GPR158: variants seen among roughly 807,000 people sequenced by gnomAD.
The protein encoded by GPR158 is G protein-coupled receptor 158.
A neutral mutation model predicts 78.2 loss-of-function variants in GPR158; 30 were observed. The observed-to-expected ratio is 0.38, with a 90% CI of 0.29 to 0.52. The LOEUF (loss-of-function observed/expected upper bound fraction) is 0.52. GPR158 is among the 20% of genes least tolerant of loss of function. The pLI is 0.83. For synonymous variants in GPR158, 581 were observed against 591.1 expected (o/e 0.98, Z 0.25); for missense variants, 1,463 against 1,523.5 (o/e 0.96, Z 0.66).
intron 1 of GPR158, among the ~76,000 whole-genome samples, chr10:25,179,839 T>C (rs1478591102): frequency 6.6e-6 from 1 of 152,202 alleles, no homozygotes; most frequent in Non-Finnish European, 1.5e-5. Flanking sequence ...AGATATACCC[T>C]GAAAATATTT....
At chr10:25,516,210 T>C (rs1836170634) in intron 5 of GPR158, among the ~76,000 whole-genome samples, 1 of 151,632 alleles carries the variant, frequency 6.6e-6, no homozygotes, top group Non-Finnish European at 1.5e-5. Flanking sequence ...CACTTTTTGA[T>C]GGGGTTGTTT....
In GPR158 at chr10:25,239,925, A is replaced by G. The variant is rs1434031469; in HGVS notation, c.1008+18768A>G. ...CTATTGAATACCAACTCTAAGTAGC[A>G]TACTGTACCAGGAACTGTGGAGATT... On this transcript the variant is annotated intron_variant, in intron 2 of 10. Coordinates refer to ENST00000376351, the MANE Select transcript of GPR158 (RefSeq NM_020752.3). Among the ~76,000 whole-genome samples the G allele has an allele frequency of 2.0e-5, 3 of 152,342 alleles. No homozygotes were observed. The South Asian group carries it at 6.2e-4, about 32-fold the overall frequency.
chr10:25,525,321 A>G (rs2184519), intron 5 of GPR158, among the ~76,000 whole-genome samples: 85,602 of 151,624 alleles, frequency 0.56, 24,634 homozygotes, highest in African/African-American at 0.7. Context: ...AAAAACACTT[A>G]CACATGAATC....
intron 5 of GPR158, among the ~76,000 whole-genome samples, chr10:25,513,929 G>A (rs1047906552): frequency 1.3e-5 from 2 of 152,038 alleles, no homozygotes; most frequent in African/African-American, 4.8e-5. Context: ...GACTTGTCTT[G>A]TGTCCTATCA....
intron 2 of GPR158, among the ~76,000 whole-genome samples, chr10:25,360,679 G>A (rs1415955854): frequency 1.3e-5 from 2 of 152,096 alleles, no homozygotes; most frequent in African/African-American, 4.8e-5. Context: ...AGTATTGTTT[G>A]AAGTCAGGTA....
At chr10:25,206,856 T>C (rs1853046058) in intron 1 of GPR158, among the ~76,000 whole-genome samples, 1 of 111,278 alleles carries the variant, frequency 9.0e-6, no homozygotes, top group Non-Finnish European at 2.0e-5. Context: ...AGATTTTACT[T>C]GTGAGCTAAC....
At chr10:25,412,509 C>G (rs374756043) in intron 4 of GPR158, 36 bp downstream of exon 4, 104 of 1,360,364 alleles carry the variant, frequency 7.6e-5, no homozygotes, top group South Asian at 4.0e-4. Flanking sequence ...TCCTGTATTA[C>G]AGAGCAACCT....
At chr10:25,206,944 T>C (rs1468593096) in intron 1 of GPR158, among the ~76,000 whole-genome samples, 1 of 150,904 alleles carries the variant, frequency 6.6e-6, no homozygotes, top group Non-Finnish European at 1.5e-5. Flanking sequence ...ACTTAATTAT[T>C]CCAGAGTTTC....
chr10:25,568,686 C>T (rs970040908), intron 6 of GPR158, among the ~76,000 whole-genome samples: 4 of 152,142 alleles, frequency 2.6e-5, no homozygotes, highest in African/African-American at 9.7e-5. Flanking sequence ...ATGACAATTT[C>T]TGGGTTGTCC....
chr10:25,223,110 A>G (rs1853323134), intron 2 of GPR158, among the ~76,000 whole-genome samples: 2 of 152,208 alleles, frequency 1.3e-5, no homozygotes, highest in Non-Finnish European at 2.9e-5. Flanking sequence ...TGATTAACAA[A>G]GTTTAGGTTG....
chr10:25,324,827 C>CTTT (rs1855005339), intron 2 of GPR158, among the ~76,000 whole-genome samples: 2 of 113,764 alleles, frequency 1.8e-5, no homozygotes, highest in South Asian at 2.6e-4. Flanking sequence ...TTTCTTTTTT[C>CTTT]TTTCTTTTTT....
intron 2 of GPR158, among the ~76,000 whole-genome samples, chr10:25,335,874 G>C (rs893731531): frequency 2.0e-5 from 3 of 151,976 alleles, no homozygotes; most frequent in African/African-American, 7.2e-5. Flanking sequence ...TGTACTAGTT[G>C]TGTGTCCTTG....
intron 7 of GPR158, among the ~76,000 whole-genome samples, chr10:25,577,592 T>C (rs1313759315): frequency 2.0e-5 from 3 of 152,334 alleles, no homozygotes; most frequent in South Asian, 4.1e-4. Context: ...GGGTCATACA[T>C]TGAAAGACCG....
In GPR158 at chr10:25,359,287, C is replaced by A. The variant is rs148132333; in HGVS notation, c.1009-36624C>A. Among the ~76,000 whole-genome samples the A allele has an allele frequency of 1.4e-3, 206 of 152,068 alleles. 1 individual carries two copies. The highest frequency in any genetic ancestry group is 0.01 in the Middle Eastern group (3 of 294). On this transcript the variant is annotated intron_variant, in intron 2 of 10. Coordinates refer to ENST00000376351, the MANE Select transcript of GPR158 (RefSeq NM_020752.3). ...AACAATATTTTTTATACTTTAAGTT[C>A]TGAGATACATGTGCAGAATGTGCAG...
intron 2 of GPR158, among the ~76,000 whole-genome samples, chr10:25,280,655 A>T (rs1854254282): frequency 6.6e-6 from 1 of 152,214 alleles, no homozygotes; most frequent in Admixed American, 6.5e-5. Context: ...TTTTTTTCTC[A>T]AAACATTCAT....
At chr10:25,514,912 G>A (rs1183711925) in intron 5 of GPR158, among the ~76,000 whole-genome samples, 1 of 151,948 alleles carries the variant, frequency 6.6e-6, no homozygotes. Context: ...TTCCTTTATA[G>A]GTTACCTGGT....
chr10:25,391,356 A>C (rs1159710930), intron 2 of GPR158, among the ~76,000 whole-genome samples: 1 of 152,080 alleles, frequency 6.6e-6, no homozygotes, highest in Non-Finnish European at 1.5e-5. Context: ...AGCCACAGAC[A>C]CTCAACACTA....
chr10:25,216,678 C>T (rs937276785), intron 1 of GPR158, among the ~76,000 whole-genome samples: 3 of 152,094 alleles, frequency 2.0e-5, no homozygotes, highest in African/African-American at 7.2e-5. Flanking sequence ...AAGGTAAGCA[C>T]ACTGCATTAT....
intron 4 of GPR158, among the ~76,000 whole-genome samples, chr10:25,456,588 C>T (rs373886617): frequency 2.0e-4 from 30 of 152,092 alleles, no homozygotes; most frequent in Admixed American, 1.3e-3. Flanking sequence ...AAGTAGTTAC[C>T]TTGCAGAACA....
Sources: gnomAD v4.1 joint callset for allele counts (sites outside exome capture counted in the v4.1 genomes callset) on GRCh38, gnomAD v4.1.1 for gene constraint, MANE v1.5 for transcripts, NCBI Gene and HGNC (gene_info 2026-07-23, HGNC 2026-07-21) for gene names.